The following RBFOX1 variants were observed in gnomAD, a reference collection of about 807,000 sequenced individuals.
RBFOX1 encodes RNA binding fox-1 homolog 1, also known as RNA binding protein fox-1 homolog 1.
In RBFOX1, 8 loss-of-function variants were observed where a neutral mutation model predicts 57.7. The observed-to-expected ratio is 0.14, with a 90% CI of 0.08 to 0.25. RBFOX1 has a LOEUF of 0.25. Ranked by LOEUF, RBFOX1 falls within the 10% of genes least tolerant of loss-of-function variation. RBFOX1 has a pLI of 1.00. For synonymous variants in RBFOX1, 326 were observed against 222.4 expected, an observed-to-expected ratio of 1.47 and a Z score of -4.15; for missense variants, 611 against 548.5, an observed-to-expected ratio of 1.11 and a Z score of -1.14.
chr16:7,081,620 A>G lies in RBFOX1; in HGVS notation c.27+29522A>G, dbSNP rs574804195. ...TTGTTCATTGACTCAGTACAAATTG[A>G]TCATCTCACTACACCTGTGTTGTAT... On this transcript the variant is annotated intron_variant, in intron 4 of 15. Coordinates refer to ENST00000550418, the MANE Select transcript of RBFOX1 (RefSeq NM_018723.4). Among the ~76,000 whole-genome samples, 770 of 152,356 alleles carry G rather than the reference A, an allele frequency of 5.1e-3. 9 individuals carry two copies. The highest frequency in any genetic ancestry group is 6.4e-3 in the Non-Finnish European group (437 of 68,026).
Position 7,199,895 on chromosome 16 carries a change from A to AG in RBFOX1, c.27+147797_27+147798insG, listed in dbSNP as rs1329076019. The stretch of plus-strand genomic sequence containing the variant: ...GGGCAACAGAGCAAGACTCTATCTC[A>AG]AAAAAACAAAACAAAACAACAACAA... On this transcript the variant is annotated intron_variant, in intron 4 of 15. Coordinates refer to ENST00000550418, the MANE Select transcript of RBFOX1 (RefSeq NM_018723.4). 4.7e-5 allele frequency among the ~76,000 whole-genome samples: 7 copies of AG among 149,090 alleles called. No homozygotes were observed. In the East Asian group the frequency reaches 1.2e-3, roughly 25 times the overall value.
At chr16:7,568,161 A>T (rs2092330346) in intron 5 of RBFOX1, among the ~76,000 whole-genome samples, 1 of 152,146 alleles carries the variant, frequency 6.6e-6, no homozygotes, top group South Asian at 2.1e-4. Flanking sequence ...AAGTAAAAAT[A>T]AGTTTATTAG....
chr16:7,600,198 G>A (rs533941917), intron 9 of RBFOX1, among the ~76,000 whole-genome samples: 1 of 152,152 alleles, frequency 6.6e-6, no homozygotes, highest in Non-Finnish European at 1.5e-5. Flanking sequence ...CTGCAAAAGG[G>A]AACTCAGAGA....
At chr16:7,110,008 GGGA>G (rs1334436177) in intron 4 of RBFOX1, among the ~76,000 whole-genome samples, 3 of 152,060 alleles carry the variant, frequency 2.0e-5, no homozygotes, top group African/African-American at 7.2e-5. Context: ...TTATCTTACA[GGGA>G]GGAGGAGTTA....
intron 3 of RBFOX1, among the ~76,000 whole-genome samples, chr16:5,788,109 A>C (rs2054567814): frequency 6.6e-6 from 1 of 152,070 alleles, no homozygotes; most frequent in South Asian, 2.1e-4. Flanking sequence ...CTAGGCGGAG[A>C]TTCGACTGCT....
intron 2 of RBFOX1, among the ~76,000 whole-genome samples, chr16:6,553,475 T>C (rs2097030420): frequency 6.6e-6 from 1 of 152,148 alleles, no homozygotes; most frequent in Non-Finnish European, 1.5e-5. Context: ...AAATACTTGG[T>C]GGAAATTGAT....
intron 4 of RBFOX1, among the ~76,000 whole-genome samples, chr16:7,224,489 A>G (rs2092964203): frequency 6.6e-6 from 1 of 151,852 alleles, no homozygotes; most frequent in South Asian, 2.1e-4. Context: ...TCGAGCTATA[A>G]AAATACTGCT....
intron 1 of RBFOX1, among the ~76,000 whole-genome samples, chr16:5,412,577 C>T (rs1319724656): frequency 6.6e-6 from 1 of 152,100 alleles, no homozygotes; most frequent in Non-Finnish European, 1.5e-5. Flanking sequence ...CGTGAAGACT[C>T]CCCTGGAAGG....
intron 3 of RBFOX1, among the ~76,000 whole-genome samples, chr16:5,850,302 G>C (rs1164186493): frequency 6.6e-6 from 1 of 152,216 alleles, no homozygotes; most frequent in Non-Finnish European, 1.5e-5. Context: ...GAAAAGGTAA[G>C]ATAAGTGACC....
chr16:6,514,349 C>T (rs560335234), intron 2 of RBFOX1, among the ~76,000 whole-genome samples: 40 of 152,240 alleles, frequency 2.6e-4, no homozygotes, highest in Non-Finnish European at 5.3e-4. Flanking sequence ...GGCTTAAGAG[C>T]TTCTGTGTCT....
At chr16:6,190,333 T>G (rs182210612) in intron 1 of RBFOX1, among the ~76,000 whole-genome samples, 1 of 152,348 alleles carries the variant, frequency 6.6e-6, no homozygotes, top group East Asian at 1.9e-4. Context: ...ATGTGTCCTA[T>G]AGACGTTGTT....
intron 1 of RBFOX1, among the ~76,000 whole-genome samples, chr16:5,397,945 A>G (rs891890930): frequency 1.3e-5 from 2 of 152,226 alleles, no homozygotes; most frequent in Non-Finnish European, 2.9e-5. Context: ...TGAACAAGAC[A>G]TTCGAGGTCC....
chr16:5,988,595 G>C (rs1204443209), intron 4 of RBFOX1, among the ~76,000 whole-genome samples: 1 of 152,106 alleles, frequency 6.6e-6, no homozygotes, highest in East Asian at 1.9e-4. Flanking sequence ...CCTCCACTGG[G>C]ACGACTGAGT....
At chr16:7,534,537 C>T (rs1038537673) in intron 5 of RBFOX1, among the ~76,000 whole-genome samples, 2 of 152,114 alleles carry the variant, frequency 1.3e-5, no homozygotes, top group African/African-American at 4.8e-5. Context: ...TAACTGATCC[C>T]AGGAAGAGCC....
At chr16:7,255,335 A>G (rs1376867000) in intron 4 of RBFOX1, among the ~76,000 whole-genome samples, 1 of 152,198 alleles carries the variant, frequency 6.6e-6, no homozygotes, top group Non-Finnish European at 1.5e-5. Flanking sequence ...AGATTTCGTT[A>G]AAAGGATGTT....
chr16:6,051,104 T>G (rs2152435228), intron 1 of RBFOX1, among the ~76,000 whole-genome samples: 1 of 150,850 alleles, frequency 6.6e-6, no homozygotes, highest in African/African-American at 2.4e-5. Flanking sequence ...GTAATTGCAG[T>G]TTTTTCCCAT....
chr16:6,623,381 G>C (rs1257036730), intron 2 of RBFOX1, among the ~76,000 whole-genome samples: 1 of 151,972 alleles, frequency 6.6e-6, no homozygotes, highest in Admixed American at 6.6e-5. Context: ...CAAGTGTTCT[G>C]ATTGTCACTT....
rs755507156 is a variant in RBFOX1 at position 7,518,225 on chromosome 16, G to A, written c.106G>A (p.Gly36Ser). The A allele has an allele frequency of 4.0e-5, 65 of 1,613,834 alleles. No individual in the cohort carries two copies. The highest frequency in any genetic ancestry group is 5.4e-5 in the Non-Finnish European group (64 of 1,180,000). ...GGCCCAGTTTGCTCCCCCGCAGAAC[G>A]GTATCCCCGCGGAATACACGGCCCC... Reference protein sequence around the residue: ...ASAQFAPPQNGIPAEYTAPHP... With the variant: ...ASAQFAPPQNSIPAEYTAPHP... Residue 36 changes from glycine (G) to serine (S), a missense_variant, in exon 5 of 16, where the codon GGT (glycine) becomes AGT (serine). Around this residue, in one of 3 missense-constraint regions of RBFOX1, gnomAD observed 245 missense variants for 159.1 expected, o/e 1.54. Transcript: ENST00000550418.
chr16:6,941,976 C>A lies in RBFOX1; in HGVS notation c.-15-110081C>A, dbSNP rs532166418. ...GGGCACAATGGCTCACACCTGTAAT[C>A]CCAGCACTTTACCAGGCGGAGGTGG... is the stretch of plus-strand genomic sequence containing the variant. On this transcript the variant is annotated intron_variant, in intron 3 of 15. Transcript: ENST00000550418. 7.8e-4 allele frequency among the ~76,000 whole-genome samples: 119 copies of A among 152,240 alleles called. No individual in the cohort carries two copies. The Middle Eastern group carries it at 0.01, about 13-fold the overall frequency.
Sources: gnomAD v4.1 joint callset for allele counts (sites outside exome capture counted in the v4.1 genomes callset) on GRCh38, gnomAD v4.1.1 for gene constraint, gnomAD v4.1.1 regional missense constraint, MANE v1.5 for transcripts, NCBI Gene and HGNC (gene_info 2026-07-23, HGNC 2026-07-21) for gene names.